CTNND1: variants seen among roughly 807,000 people sequenced by gnomAD.
The protein encoded by CTNND1 is catenin delta-1.
A neutral mutation model predicts 112.1 loss-of-function variants in CTNND1; 16 were observed. The ratio of observed to expected loss-of-function variants is 0.14; its 90% confidence interval spans 0.10 to 0.22. The LOEUF is 0.22. CTNND1 is among the 10% of genes least tolerant of loss of function. The pLI is 1.00. For synonymous variants in CTNND1, 420 were observed against 446.5 expected (o/e 0.94, Z 0.75); for missense variants, 1,008 against 1,257.0 (o/e 0.80, Z 3.00).
Position 57,806,421 on chromosome 11 carries a change from T to A in CTNND1, c.1877-40T>A, listed in dbSNP as rs749370061. The A allele has an allele frequency of 1.9e-5, 30 of 1,572,406 alleles. No individual in the cohort carries two copies. The South Asian group carries it at 3.3e-4, about 18-fold the overall frequency. The stretch of plus-strand genomic sequence containing the variant: ...TTCTCCTGCATTTTTCTTATTTCAT[T>A]TCTCTTCTCTGCTTTCTACCTTGGG... On this transcript the variant is annotated intron_variant, in intron 10 of 20. Coordinates refer to ENST00000399050, the MANE Select transcript of CTNND1 (RefSeq NM_001085458.2).
At chr11:57,766,961 A>G (rs1951219085) in intron 1 of CTNND1, among the ~76,000 whole-genome samples, 1 of 151,624 alleles carries the variant, frequency 6.6e-6, no homozygotes, top group African/African-American at 2.4e-5. Flanking sequence ...AAAGAGGCAA[A>G]GAATTTTCTT....
At position 57,793,989 on chromosome 11, in the gene CTNND1, T is replaced by C. The variant is rs186648416; in HGVS notation, c.196-21T>C. On this transcript the variant is annotated intron_variant, in intron 3 of 20. Transcript: ENST00000399050. ...AAAGAAGGCCACAAAATGAATTGTC[T>C]TCTTGTGGGCTGTGTTTCAGAACGG... is the stretch of plus-strand genomic sequence containing the variant. The C allele has an allele frequency of 1.7e-4, 269 of 1,612,886 alleles. 1 individual carries two copies. The East Asian group carries it at 2.7e-3, about 16-fold the overall frequency.
At chr11:57,795,548 G>T (rs747155752) in intron 4 of CTNND1, 29 bp from the exon 5 acceptor site, 2 of 1,593,570 alleles carry the variant, frequency 1.3e-6, no homozygotes, top group Non-Finnish European at 8.5e-7. Flanking sequence ...CTTAATAGTA[G>T]TTTCTTCTCT....
chr11:57,811,635 A>G, intron 17 of CTNND1, 149 bp downstream of exon 17: 1 of 602,080 alleles, frequency 1.7e-6, no homozygotes, highest in Non-Finnish European at 2.9e-6. Context: ...TAACGCAGAA[A>G]TGGGTAGGTC....
rs1269769829 is a variant in CTNND1, at chr11:57,806,521, A to G, written c.1894+43A>G. ...AGGTGCTTATCTACTTCTAATTTGC[A>G]TGTTTTGATTTTAGCTTCCCTAGTA... On this transcript the variant is annotated intron_variant, in intron 11 of 20. Transcript: ENST00000399050. The G allele has an allele frequency of 3.2e-6, 5 of 1,559,710 alleles. No homozygotes were observed. The African/African-American group carries it at 5.4e-5, about 17-fold the overall frequency.
chr11:57,802,340 T>C, intron 7 of CTNND1, 144 bp downstream of exon 7: 1 of 705,746 alleles, frequency 1.4e-6, no homozygotes. Flanking sequence ...CAGATTTGTT[T>C]GGATCACACA....
Position 57,801,785 on chromosome 11 carries a change from G to T in CTNND1, c.1009G>T (p.Ala337Ser). 4 of 1,613,948 alleles carry T rather than the reference G, an allele frequency of 2.5e-6. No homozygotes were observed. Among genetic ancestry groups the T allele is most frequent in the Non-Finnish European group, 3.4e-6 (4 of 1,179,880 alleles). The stretch of plus-strand genomic sequence containing the variant: ...GGTGCCATCGGATCAATACTACTGG[G>T]CTCCTTTGGCCCAGCATGAGCGAGG... ...EEVPSDQYYW[A>S]PLAQHERGSL... The change falls in exon 7 of 21, where the codon GCT becomes TCT. Residue 337 changes from alanine (A) to serine (S), a missense_variant. Transcript: ENST00000399050.
chr11:57,810,075 T>A (rs1331497298), intron 15 of CTNND1, 34 bp from the exon 16 acceptor site: 1 of 1,530,706 alleles, frequency 6.5e-7, no homozygotes, highest in East Asian at 2.3e-5. Context: ...TGATTTTATA[T>A]CCAAATTCCG....
chr11:57,764,063 G>A (rs541771107), intron 1 of CTNND1: 15 of 152,342 alleles, frequency 9.8e-5, no homozygotes, highest in Admixed American at 3.9e-4. Context: ...ATGCAGATAA[G>A]TAAATCTTTT....
At chr11:57,790,310 A>G (rs545480185) in intron 2 of CTNND1, among the ~76,000 whole-genome samples, 27 of 151,784 alleles carry the variant, frequency 1.8e-4, no homozygotes, top group Middle Eastern at 3.5e-3. Flanking sequence ...ACCTGACCTC[A>G]AGTGATCCAC....
chr11:57,808,446 T>C lies in CTNND1; in HGVS notation c.2148T>C (p.Ala716=). 6.2e-7 allele frequency: 1 copy of C among 1,613,222 alleles called. No homozygotes were observed. Among genetic ancestry groups the C allele is most frequent in the Non-Finnish European group, 8.5e-7 (1 of 1,179,470 alleles). ...LRQEKALSAI[A]DLLTNEHERV... ...AAGAGAAGGCTCTTTCTGCCATAGC[T>C]GACCTCCTGACTAATGAACATGAAC... Residue 716 remains alanine (A), a synonymous_variant, in exon 14 of 21, where the codon GCT becomes GCC. Coordinates refer to ENST00000399050, the MANE Select transcript of CTNND1 (RefSeq NM_001085458.2).
chr11:57,805,812 G>A (rs1010402525), intron 9 of CTNND1, 70 bp from the exon 10 acceptor site: 21 of 1,533,276 alleles, frequency 1.4e-5, no homozygotes, highest in East Asian at 1.1e-4. Context: ...CCTGAGTCAT[G>A]GAAACCTGTA....
intron 17 of CTNND1, 193 bp from the exon 18 acceptor site, chr11:57,814,118 C>G (rs929144500): frequency 7.5e-6 from 4 of 532,404 alleles, no homozygotes; most frequent in Non-Finnish European, 1.4e-5. Flanking sequence ...AGTTTCAGAC[C>G]AGCCTGAGCA....
intron 3 of CTNND1, chr11:57,793,343 C>T (rs1332594302): frequency 6.6e-6 from 1 of 152,164 alleles, no homozygotes; most frequent in African/African-American, 2.4e-5. Context: ...TTCTGTGGCT[C>T]TAATAATTGT....
chr11:57,787,549 A>G (rs2060263398), intron 1 of CTNND1, among the ~76,000 whole-genome samples: 1 of 152,206 alleles, frequency 6.6e-6, no homozygotes, highest in Non-Finnish European at 1.5e-5. Context: ...AACTCCTGGG[A>G]AGCAGCAATT....
At chr11:57,795,818 G>GAGACCACGGTAAACTAA in intron 5 of CTNND1, 89 bp downstream of exon 5, 1 of 1,280,620 alleles carries the variant, frequency 7.8e-7, no homozygotes. Context: ...TTAAGATGGA[G>GAGACCACGGTAAACTAA]GACTGATATG....
chr11:57,806,734 T>G, intron 11 of CTNND1, 181 bp from the exon 12 acceptor site: 1 of 638,376 alleles, frequency 1.6e-6, no homozygotes, highest in Non-Finnish European at 2.8e-6. Flanking sequence ...CTGCTGCCTG[T>G]TTTCTATCCT....
At chr11:57,769,198 T>G (rs1951916558) in intron 1 of CTNND1, among the ~76,000 whole-genome samples, 1 of 151,606 alleles carries the variant, frequency 6.6e-6, no homozygotes, top group African/African-American at 2.4e-5. Flanking sequence ...GCCTGTAATC[T>G]GAGCTACTCG....
rs544806382 is a variant in CTNND1 at position 57,816,720 on chromosome 11, A to C, written c.*412A>C. The C allele has an allele frequency of 1.7e-4, 30 of 177,728 alleles. No individual in the cohort carries two copies. The South Asian group carries it at 1.8e-3, about 11-fold the overall frequency. The allele number at this position is 177,728 out of a possible 1,614,324, so 11.0% of individuals were successfully genotyped here. Reference sequence around the variant, plus strand: ...TGTATATGCAATGTCCAGCAGTCTGATAAACTGACGATTCTTAATCAAGAT... The same window carrying C: ...TGTATATGCAATGTCCAGCAGTCTGCTAAACTGACGATTCTTAATCAAGAT... On this transcript the variant is annotated 3_prime_UTR_variant, in exon 21 of 21. Transcript: ENST00000399050.
Sources: gnomAD v4.1 joint callset for allele counts (sites outside exome capture counted in the v4.1 genomes callset) on GRCh38, gnomAD v4.1.1 for gene constraint, MANE v1.5 for transcripts, NCBI Gene and HGNC (gene_info 2026-07-23, HGNC 2026-07-21) for gene names.